The following AGBL4 variants were observed in gnomAD, a reference collection of about 807,000 sequenced individuals.
The protein encoded by AGBL4 is AGBL carboxypeptidase 4.
A neutral mutation model predicts 66.4 loss-of-function variants in AGBL4; 58 were observed. The ratio of observed to expected loss-of-function variants is 0.87; its 90% CI spans 0.71 to 1.09. The LOEUF is 1.09. Ranked by LOEUF, AGBL4 falls within the 50% of genes least tolerant of loss-of-function variation. The pLI, the probability that AGBL4 is intolerant of heterozygous loss-of-function variation, is 0.00. For synonymous variants in AGBL4, 234 were observed against 222.9 expected (o/e 1.05, Z -0.44); for missense variants, 579 against 631.0 (o/e 0.92, Z 0.88).
intron 3 of AGBL4, among the ~76,000 whole-genome samples, chr1:49,359,831 A>G (rs1644099897): frequency 1.3e-5 from 2 of 151,978 alleles, no homozygotes; most frequent in African/African-American, 4.8e-5. Flanking sequence ...GTCACATATT[A>G]CTGGTATGCT....
rs552236539 is a variant in AGBL4 at position 48,955,250 on chromosome 1, C to T, written c.595-88020G>A. On this transcript the variant is annotated intron_variant, in intron 5 of 13. Coordinates refer to ENST00000371839, the MANE Select transcript of AGBL4 (RefSeq NM_032785.4). ...GGGAGGGATATCAAGGTGACGCAGACATTTTTAACCACAGTTATAATATTT... is the reference window on the plus strand; with the variant it reads ...GGGAGGGATATCAAGGTGACGCAGATATTTTTAACCACAGTTATAATATTT... Among the ~76,000 whole-genome samples, 3 of 152,312 alleles carry T rather than the reference C, an allele frequency of 2.0e-5. No homozygotes were observed. The South Asian group carries it at 6.2e-4, about 32-fold the overall frequency.
intron 3 of AGBL4, among the ~76,000 whole-genome samples, chr1:49,463,002 G>A (rs1414254760): frequency 6.6e-6 from 1 of 151,680 alleles, no homozygotes; most frequent in Non-Finnish European, 1.5e-5. Context: ...GTTGTCTAAG[G>A]TTACACATTG....
intron 2 of AGBL4, among the ~76,000 whole-genome samples, chr1:49,719,299 A>C (rs543594012): frequency 6.6e-6 from 1 of 152,282 alleles, no homozygotes; most frequent in East Asian, 1.9e-4. Flanking sequence ...TCCCACAATA[A>C]CTGGACTTGC....
intron 3 of AGBL4, among the ~76,000 whole-genome samples, chr1:49,505,349 G>A (rs1178910706): frequency 6.6e-6 from 1 of 150,884 alleles, no homozygotes; most frequent in African/African-American, 2.4e-5. Flanking sequence ...ATGTTTTTGT[G>A]TCACTAATTA....
chr1:48,710,496 A>G (rs1387714111), intron 6 of AGBL4, among the ~76,000 whole-genome samples: 1 of 152,208 alleles, frequency 6.6e-6, no homozygotes, highest in Non-Finnish European at 1.5e-5. Flanking sequence ...CTCACAGGTG[A>G]TCACATGCCA....
intron 4 of AGBL4, among the ~76,000 whole-genome samples, chr1:49,090,681 G>A (rs193180612): frequency 1.1e-4 from 17 of 152,066 alleles, no homozygotes; most frequent in African/African-American, 1.9e-4. Flanking sequence ...ATATAGATTC[G>A]ATGCTATTCC....
At chr1:49,395,829 G>GCATATATATA (rs1557900519) in intron 3 of AGBL4, among the ~76,000 whole-genome samples, 23 of 71,218 alleles carry the variant, frequency 3.2e-4, no homozygotes, top group Non-Finnish European at 6.2e-4. Flanking sequence ...ATATATATAT[G>GCATATATATA]TGTATATATA....
At chr1:48,543,424 AT>A (rs1644108387) in intron 11 of AGBL4, among the ~76,000 whole-genome samples, 1 of 151,250 alleles carries the variant, frequency 6.6e-6, no homozygotes, top group Non-Finnish European at 1.5e-5. Flanking sequence ...CCATCCATCC[AT>A]CCATCTACCC....
At position 49,024,449 on chromosome 1, in the gene AGBL4, C is replaced by G. The variant is rs1045660102; in HGVS notation, c.594+21135G>C. 4.6e-5 allele frequency among the ~76,000 whole-genome samples: 7 copies of G among 152,100 alleles called. No individual in the cohort carries two copies. In the South Asian group the frequency reaches 8.3e-4, roughly 18 times the overall value. On this transcript the variant is annotated intron_variant, in intron 5 of 13. Transcript: ENST00000371839. Reference sequence around the variant, plus strand: ...ATTCCCCAGCCAGGTTTTCATGTTCCTTTCTCATTCCTCATCAGTCATCTA... The same window carrying G: ...ATTCCCCAGCCAGGTTTTCATGTTCGTTTCTCATTCCTCATCAGTCATCTA...
chr1:49,141,483 T>C (rs535458813), intron 4 of AGBL4, among the ~76,000 whole-genome samples: 1 of 152,272 alleles, frequency 6.6e-6, no homozygotes, highest in South Asian at 2.1e-4. Context: ...TGCTTATCCT[T>C]GCAGAACTTG....
At chr1:49,367,632 C>T (rs922473321) in intron 3 of AGBL4, among the ~76,000 whole-genome samples, 2 of 152,150 alleles carry the variant, frequency 1.3e-5, no homozygotes, top group Admixed American at 6.5e-5. Flanking sequence ...ATCCCACCAT[C>T]GTGTGCAAGC....
chr1:49,604,710 C>T (rs1312869779), intron 3 of AGBL4, among the ~76,000 whole-genome samples: 4 of 152,060 alleles, frequency 2.6e-5, no homozygotes, highest in African/African-American at 9.7e-5. Context: ...TCAGGAGGTA[C>T]ATAGACTTCT....
chr1:48,528,053 G>C (rs1210815922), downstream of AGBL4, among the ~76,000 whole-genome samples: 1 of 152,150 alleles, frequency 6.6e-6, no homozygotes, highest in Admixed American at 6.5e-5. Context: ...AAAGGATAGA[G>C]GGAGGGAAAT....
chr1:49,390,309 A>C (rs1644819636), intron 3 of AGBL4, among the ~76,000 whole-genome samples: 1 of 152,200 alleles, frequency 6.6e-6, no homozygotes. Context: ...CTTCTCTTAC[A>C]GGAGGAAATT....
chr1:48,716,869 T>C (rs1385519479), intron 6 of AGBL4, among the ~76,000 whole-genome samples: 2 of 152,164 alleles, frequency 1.3e-5, no homozygotes. Flanking sequence ...CTGCCTTCAA[T>C]AAAAAGTCAC....
At chr1:48,773,032 G>T (rs921952173) in intron 6 of AGBL4, among the ~76,000 whole-genome samples, 5 of 152,016 alleles carry the variant, frequency 3.3e-5, no homozygotes, top group Non-Finnish European at 7.4e-5. Flanking sequence ...GCCACCCCTG[G>T]GTCGTGCTGT....
At chr1:49,439,767 G>T (rs909153893) in intron 3 of AGBL4, among the ~76,000 whole-genome samples, 4 of 152,280 alleles carry the variant, frequency 2.6e-5, no homozygotes, top group African/African-American at 9.6e-5. Flanking sequence ...GCTGCTTCCT[G>T]CCCTCAAACA....
chr1:49,579,625 G>A lies in AGBL4; in HGVS notation c.282+117688C>T, dbSNP rs374065288. On this transcript the variant is annotated intron_variant, in intron 3 of 13. Transcript: ENST00000371839. ...CGCCATTCTCCTGCCTCAGCCTCCC[G>A]AGTAGCTGGGACTACAGGCGCCTGT... 1.6e-3 allele frequency among the ~76,000 whole-genome samples: 239 copies of A among 152,084 alleles called. 1 individual carries two copies. The highest frequency in any genetic ancestry group is 4.9e-3 in the African/African-American group (203 of 41,478).
chr1:49,413,637 C>G (rs1212755100), intron 3 of AGBL4, among the ~76,000 whole-genome samples: 1 of 152,174 alleles, frequency 6.6e-6, no homozygotes, highest in Non-Finnish European at 1.5e-5. Flanking sequence ...GACAGTCTTT[C>G]ACTGGATCTG....
Sources: allele counts gnomAD v4.1 joint callset (sites outside exome capture counted in the v4.1 genomes callset), GRCh38; gene constraint gnomAD v4.1.1; transcripts MANE v1.5; gene names NCBI Gene and HGNC (gene_info 2026-07-23, HGNC 2026-07-21).